FAT1: variants seen among roughly 807,000 people sequenced by gnomAD.
FAT1 encodes FAT atypical cadherin 1, also known as protocadherin Fat 1.
Under a neutral mutation model 329.8 loss-of-function variants are expected in FAT1, and 171 were observed. That is an observed-to-expected ratio of 0.52 (90% CI 0.46 to 0.59). FAT1 has a LOEUF of 0.59. Ranked by LOEUF, FAT1 falls within the 20% of genes least tolerant of loss-of-function variation. FAT1 has a pLI of 0.00. For missense variants in FAT1, 5,672 were observed against 5,774.4 expected, an observed-to-expected ratio of 0.98 and a Z score of 0.57; for synonymous variants, 2,233 against 2,228.6, an observed-to-expected ratio of 1.00 and a Z score of -0.06.
chr4:186,668,805 T>C (rs1011438756), intron 2 of FAT1, among the ~76,000 whole-genome samples: 2 of 152,164 alleles, frequency 1.3e-5, no homozygotes, highest in African/African-American at 2.4e-5. Context: ...GGAAGACTTC[T>C]AATTAGTGCC....
At chr4:186,716,987 G>A (rs914100834) in intron 1 of FAT1, among the ~76,000 whole-genome samples, 6 of 152,078 alleles carry the variant, frequency 3.9e-5, no homozygotes, top group African/African-American at 1.4e-4. Flanking sequence ...GGCTAATCTC[G>A]AATTCCTGGC....
intron 2 of FAT1, among the ~76,000 whole-genome samples, chr4:186,703,890 T>C (rs775481128): frequency 6.6e-6 from 1 of 152,236 alleles, no homozygotes; most frequent in South Asian, 2.1e-4. Flanking sequence ...TTAGCATGCC[T>C]AATTTTAGCC....
intron 17 of FAT1, among the ~76,000 whole-genome samples, chr4:186,605,428 T>C (rs945406492): frequency 2.7e-5 from 2 of 74,278 alleles, no homozygotes; most frequent in African/African-American, 1.1e-4. Context: ...AGGGAGGAGG[T>C]TGGGGGAGGA....
Position 186,698,744 on chromosome 4 carries a change from G to C in FAT1, c.3265+7819C>G, listed in dbSNP as rs142859426. Among the ~76,000 whole-genome samples, 1,235 of 152,328 alleles carry C rather than the reference G, an allele frequency of 8.1e-3. 16 individuals are homozygous for C. Among genetic ancestry groups the C allele is most frequent in the South Asian group, 0.012 (59 of 4,828 alleles). The stretch of plus-strand genomic sequence containing the variant: ...AATGGGAGAGCAGGGAGGCCTGTTA[G>C]GGCAATGCGGCTCCGCCACGGAGAG... On this transcript the variant is annotated intron_variant, in intron 2 of 26. Transcript: ENST00000441802.
intron 3 of FAT1, among the ~76,000 whole-genome samples, chr4:186,648,682 G>A (rs987831970): frequency 6.6e-6 from 1 of 152,132 alleles, no homozygotes; most frequent in African/African-American, 2.4e-5. Flanking sequence ...TCCTACCAAG[G>A]AAAGTGTTCA....
chr4:186,718,070 T>C (rs1366050250), intron 1 of FAT1, among the ~76,000 whole-genome samples: 1 of 152,228 alleles, frequency 6.6e-6, no homozygotes, highest in Admixed American at 6.5e-5. Flanking sequence ...ATTTTATACG[T>C]TGAATTGGGC....
chr4:186,606,047 C>T, intron 17 of FAT1, 23 bp downstream of exon 17: 1 of 1,608,646 alleles, frequency 6.2e-7, no homozygotes, highest in African/African-American at 1.3e-5. Context: ...AACCCCAGGA[C>T]CACCTTGGCA....
intron 14 of FAT1, among the ~76,000 whole-genome samples, chr4:186,610,613 A>G (rs11726473): frequency 7.8e-6 from 1 of 127,838 alleles, no homozygotes; most frequent in African/African-American, 2.9e-5. Context: ...ATTTATATAA[A>G]TTATATAAAT....
At chr4:186,668,195 A>G (rs887398293) in intron 2 of FAT1, among the ~76,000 whole-genome samples, 2 of 152,174 alleles carry the variant, frequency 1.3e-5, no homozygotes, top group African/African-American at 4.8e-5. Context: ...CTGTCAGCCC[A>G]GTTGCATGAT....
At chr4:186,725,130 A>G (rs1745675065), upstream of FAT1, among the ~76,000 whole-genome samples, 2 of 151,970 alleles carry the variant, frequency 1.3e-5, no homozygotes, top group Admixed American at 1.3e-4. This position sits in a 1 kb window ranked among gnomAD's most constrained non-coding sequence, Gnocchi z 5.4. Context: ...GCAAATGCAA[A>G]CTCCATCATC....
rs758118120 is a variant in FAT1, at chr4:186,618,700, G to C, written c.7886C>G (p.Ala2629Gly). The change falls in exon 10 of 27, where the codon GCC (alanine) becomes GGC (glycine). Residue 2629 changes from alanine (A) to glycine (G), a missense_variant. Physicochemically the swap from Ala to Gly is moderately conservative, Grantham distance 60. Coordinates refer to ENST00000441802, the MANE Select transcript of FAT1 (RefSeq NM_005245.4). Reference protein sequence around the residue: ...LASDADEGSNADITYAIEADS... With the variant: ...LASDADEGSNGDITYAIEADS... ...TGCTTCAATGGCATAGGTGATGTCG[G>C]CATTGGAGCCCTCATCGGCATCACT... is the stretch of plus-strand genomic sequence containing the variant. The C allele has an allele frequency of 1.4e-5, 23 of 1,613,828 alleles. No individual in the cohort carries two copies. The highest frequency in any genetic ancestry group is 1.9e-5 in the Non-Finnish European group (23 of 1,179,890).
Position 186,620,958 on chromosome 4 carries a change from G to C in FAT1, c.5628C>G (p.Pro1876=), listed in dbSNP as rs1443693883. ...CATATAATGGCTTGGCAAACACAGG[G>C]GGGCAGTCATTAATGTCAATTACAT... The part of the protein sequence containing the change: ...TVHVIDINDC[P]PVFAKPLYEA... Residue 1876 remains proline, a synonymous_variant, in exon 10 of 27, where the codon CCC becomes CCG. Coordinates refer to ENST00000441802, the MANE Select transcript of FAT1 (RefSeq NM_005245.4). 2.5e-6 allele frequency: 4 copies of C among 1,613,664 alleles called. No homozygotes were observed. The East Asian group carries it at 6.7e-5, about 27-fold the overall frequency.
intron 1 of FAT1, among the ~76,000 whole-genome samples, chr4:186,710,523 T>C (rs1302202828): frequency 6.6e-6 from 1 of 152,208 alleles, no homozygotes; most frequent in South Asian, 2.1e-4. Context: ...ATAATACTTA[T>C]CAGCAACATA....
At chr4:186,634,718 G>A (rs1023970556) in intron 6 of FAT1, among the ~76,000 whole-genome samples, 1 of 152,218 alleles carries the variant, frequency 6.6e-6, no homozygotes, top group African/African-American at 2.4e-5. Context: ...GGCAAATTAT[G>A]TGATCTCAGC....
rs1745517501 is a variant in FAT1 at position 186,722,752 on chromosome 4, G to A, written c.-19+912C>T. The stretch of plus-strand genomic sequence containing the variant: ...GCATTAAGAATCTGCTTTTGAAAAG[G>A]AAATGAATATCTGAAGGTCATTTTC... On this transcript the variant is annotated intron_variant, in intron 1 of 26. Transcript: ENST00000441802. 2.0e-5 allele frequency among the ~76,000 whole-genome samples: 3 copies of A among 151,826 alleles called. No homozygotes were observed. The South Asian group carries it at 6.3e-4, about 32-fold the overall frequency.
rs2126401554 is a variant in FAT1, at chr4:186,597,979, C to A, written c.12250G>T (p.Gly4084Cys). ...FVCQCRGLYT[G>C]QRCQLSPYCK... ...TAAGAAAAATACACATACCTCTGAC[C>A]AGTATATAATCCTCTACACTGGCAA... Residue 4084 changes from glycine (G) to cysteine (C), a missense_variant, in exon 23 of 27, where the codon GGT (glycine) becomes TGT (cysteine). Transcript: ENST00000441802. 6.2e-7 allele frequency: 1 copy of A among 1,607,396 alleles called. No individual in the cohort carries two copies. Among genetic ancestry groups the A allele is most frequent in the East Asian group, 2.2e-5 (1 of 44,846 alleles).
intron 9 of FAT1, among the ~76,000 whole-genome samples, chr4:186,625,876 C>T (rs115712371): frequency 7.5e-4 from 115 of 152,364 alleles, no homozygotes; most frequent in African/African-American, 2.7e-3. Flanking sequence ...ATGGCAACGC[C>T]TACGTACCAT....
chr4:186,698,184 G>A (rs1040441148), intron 2 of FAT1, among the ~76,000 whole-genome samples: 14 of 152,160 alleles, frequency 9.2e-5, no homozygotes, highest in African/African-American at 3.1e-4. Flanking sequence ...AGATGATTAC[G>A]CTGGACTGTG....
At position 186,636,547 on chromosome 4, in the gene FAT1, A is replaced by G. The variant is rs1200350598; in HGVS notation, c.3972+38T>C. The stretch of plus-strand genomic sequence containing the variant: ...AATACAAAATAAGGTTTATAGTCAC[A>G]ACATATGAAAAATTACAGTACTACA... On this transcript the variant is annotated intron_variant, in intron 5 of 26. Coordinates refer to ENST00000441802, the MANE Select transcript of FAT1 (RefSeq NM_005245.4). 3 of 1,528,202 alleles carry G rather than the reference A, an allele frequency of 2.0e-6. No individual in the cohort carries two copies. In the South Asian group the frequency reaches 3.8e-5, roughly 19 times the overall value. The allele number at this position is 1,528,202 out of a possible 1,614,324, so 94.7% of individuals were successfully genotyped here.
Sources: allele counts gnomAD v4.1 joint callset (sites outside exome capture counted in the v4.1 genomes callset), GRCh38; gene constraint gnomAD v4.1.1; non-coding constraint Gnocchi (gnomAD v3.1); transcripts MANE v1.5; gene names NCBI Gene and HGNC (gene_info 2026-07-23, HGNC 2026-07-21).